The following DPP10 variants were observed in gnomAD, a reference collection of about 807,000 sequenced individuals.
The protein encoded by DPP10 is dipeptidyl peptidase like 10.
DPP10 carries 33 observed loss-of-function variants against 120.9 expected under a neutral mutation model. The ratio of observed to expected loss-of-function variants is 0.27; its 90% CI spans 0.21 to 0.37. The LOEUF is 0.37. Ranked by LOEUF, DPP10 falls within the 10% of genes least tolerant of loss-of-function variation. DPP10 has a pLI of 1.00. For synonymous variants in DPP10, 337 were observed against 326.1 expected (o/e 1.03, Z -0.36); for missense variants, 816 against 942.8 (o/e 0.87, Z 1.76).
chr2:114,663,656 T>TAGAG (rs1304879668), intron 1 of DPP10, among the ~76,000 whole-genome samples: 91 of 95,070 alleles, frequency 9.6e-4, no homozygotes, highest in Admixed American at 2.6e-3. Flanking sequence ...TATATATATA[T>TAGAG]ATATATATAT....
chr2:115,535,152 A>G (rs2148936090), intron 5 of DPP10, among the ~76,000 whole-genome samples: 1 of 152,024 alleles, frequency 6.6e-6, no homozygotes, highest in Admixed American at 6.6e-5. Context: ...TTTTGTTGCC[A>G]TTGCTTTTGG....
chr2:114,879,102 A>G (rs1377186207), intron 1 of DPP10, among the ~76,000 whole-genome samples: 1 of 151,610 alleles, frequency 6.6e-6, no homozygotes, highest in South Asian at 2.1e-4. Flanking sequence ...TTGAAAGAAG[A>G]TTCAAATAGT....
At chr2:115,833,142 TAAATA>T (rs1689103380) in intron 21 of DPP10, among the ~76,000 whole-genome samples, 2 of 152,146 alleles carry the variant, frequency 1.3e-5, no homozygotes, top group South Asian at 4.1e-4. Context: ...GAAACTGAGA[TAAATA>T]AAATAAAACA....
At chr2:114,976,464 A>T (rs1465199392) in intron 1 of DPP10, among the ~76,000 whole-genome samples, 1 of 152,184 alleles carries the variant, frequency 6.6e-6, no homozygotes, top group Non-Finnish European at 1.5e-5. Context: ...TGAGTGCAAT[A>T]TTCCTCGAAG....
At chr2:115,829,353 T>A (rs1688691634) in intron 21 of DPP10, among the ~76,000 whole-genome samples, 1 of 152,166 alleles carries the variant, frequency 6.6e-6, no homozygotes. Context: ...TTTCAGGGTT[T>A]ATTTCTGTTG....
chr2:115,380,041 G>A (rs1045717538), intron 3 of DPP10, among the ~76,000 whole-genome samples: 2 of 152,136 alleles, frequency 1.3e-5, no homozygotes, highest in Admixed American at 6.5e-5. Context: ...CATTTGGGGT[G>A]GAGAGTTCTG....
chr2:114,726,304 C>T (rs1702045921), intron 1 of DPP10, among the ~76,000 whole-genome samples: 1 of 151,640 alleles, frequency 6.6e-6, no homozygotes, highest in Admixed American at 6.6e-5. Flanking sequence ...CCATATGGTT[C>T]AGATGAACCA....
intron 1 of DPP10, among the ~76,000 whole-genome samples, chr2:114,478,820 A>G (rs1680756467): frequency 6.6e-6 from 1 of 152,154 alleles, no homozygotes; most frequent in Admixed American, 6.6e-5. Context: ...ATGCAAGCTA[A>G]AATTTTTCCA....
At position 114,834,637 on chromosome 2, in the gene DPP10, CATATCTACACACCT is replaced by C. The variant is rs1394854746; in HGVS notation, c.60+391802_60+391815del. ...TCTAAGCACCTATGTATATATAAGC[CATATCTACACACCT>C]ATGTATATATATAGGCCATATCTAC... On this transcript the variant is annotated intron_variant, in intron 1 of 25. Transcript: ENST00000410059. Among the ~76,000 whole-genome samples the C allele has an allele frequency of 3.6e-4, 48 of 131,546 alleles. 12 individuals are homozygous for C. The highest frequency in any genetic ancestry group is 1.4e-3 in the African/African-American group (47 of 32,604). The allele number at this position is 131,546 out of a possible 152,430, so 86.3% of individuals were successfully genotyped here. A position where few individuals can be genotyped will look rare whatever the true frequency, so the allele number is the denominator to read the frequency against.
chr2:115,254,740 G>A (rs1393235709), intron 1 of DPP10, among the ~76,000 whole-genome samples: 1 of 152,176 alleles, frequency 6.6e-6, no homozygotes, highest in Non-Finnish European at 1.5e-5. Context: ...CCCCACGCAA[G>A]TCTGAAATTC....
chr2:115,176,198 TTTA>T (rs1418273232), intron 1 of DPP10, among the ~76,000 whole-genome samples: 3 of 151,128 alleles, frequency 2.0e-5, no homozygotes, highest in East Asian at 1.9e-4. Context: ...TATTAGTATT[TTTA>T]TTATTGACAG....
At chr2:115,297,725 T>C (rs561046269) in intron 1 of DPP10, among the ~76,000 whole-genome samples, 107 of 152,200 alleles carry the variant, frequency 7.0e-4, no homozygotes, top group Admixed American at 1.4e-3. Context: ...CTGCTATGTT[T>C]TGCCTAGAAC....
chr2:115,809,850 A>G (rs1686428445), intron 19 of DPP10, among the ~76,000 whole-genome samples: 1 of 152,176 alleles, frequency 6.6e-6, no homozygotes, highest in African/African-American at 2.4e-5. Context: ...AGCTTTACTG[A>G]TAAGGATAAG....
chr2:114,593,023 TACAAA>T (rs890917256), intron 1 of DPP10, among the ~76,000 whole-genome samples: 1 of 152,162 alleles, frequency 6.6e-6, no homozygotes, highest in Non-Finnish European at 1.5e-5. Context: ...TTCCAGATAA[TACAAA>T]ACAAAACAAA....
At chr2:115,553,714 A>T (rs2080022132) in intron 5 of DPP10, among the ~76,000 whole-genome samples, 1 of 151,904 alleles carries the variant, frequency 6.6e-6, no homozygotes, top group African/African-American at 2.4e-5. Flanking sequence ...AAAATAATCT[A>T]TTGATTGTTT....
At chr2:115,104,587 G>A (rs975050407) in intron 1 of DPP10, among the ~76,000 whole-genome samples, 5 of 152,072 alleles carry the variant, frequency 3.3e-5, no homozygotes, top group Non-Finnish European at 2.9e-5. Context: ...TTTTGTAAGA[G>A]GTAGTCTGTG....
At chr2:114,586,406 C>T (rs927967495) in intron 1 of DPP10, among the ~76,000 whole-genome samples, 4 of 152,196 alleles carry the variant, frequency 2.6e-5, no homozygotes, top group Admixed American at 6.5e-5. Context: ...CCCTGCGTCA[C>T]GTCTTACTCA....
intron 1 of DPP10, among the ~76,000 whole-genome samples, chr2:114,661,458 A>G (rs975945316): frequency 2.6e-5 from 4 of 152,226 alleles, no homozygotes; most frequent in Non-Finnish European, 5.9e-5. Context: ...AAATTTTGTA[A>G]TGTAATCGTA....
At chr2:115,437,839 TACA>T (rs1232813040) in intron 3 of DPP10, among the ~76,000 whole-genome samples, 4 of 152,138 alleles carry the variant, frequency 2.6e-5, no homozygotes, top group Non-Finnish European at 4.4e-5. Flanking sequence ...GCAAAAATGA[TACA>T]ACGTTTTGTT....
Sources: allele counts gnomAD v4.1 joint callset (sites outside exome capture counted in the v4.1 genomes callset), GRCh38; gene constraint gnomAD v4.1.1; transcripts MANE v1.5; gene names NCBI Gene and HGNC (gene_info 2026-07-23, HGNC 2026-07-21).